The following ANKS6 variants were observed in gnomAD, a reference collection of about 807,000 sequenced individuals.
The protein encoded by ANKS6 is ankyrin repeat and sterile alpha motif domain containing 6.
A neutral mutation model predicts 77.9 loss-of-function variants in ANKS6; 47 were observed. That is an observed-to-expected ratio of 0.60 (90% CI 0.48 to 0.77). The LOEUF (loss-of-function observed/expected upper bound fraction) is 0.77. Among genes scored for constraint, ANKS6 ranks in the 30% least tolerant of loss-of-function variants. ANKS6 has a pLI of 0.00. For synonymous variants in ANKS6, 488 were observed against 501.7 expected (o/e 0.97, Z 0.37); for missense variants, 1,150 against 1,159.1 (o/e 0.99, Z 0.11).
In ANKS6 at chr9:98,768,103, C is replaced by A; in HGVS notation, c.2120G>T (p.Gly707Val). The A allele has an allele frequency of 6.2e-7, 1 of 1,611,502 alleles. No individual in the cohort carries two copies. Among genetic ancestry groups the A allele is most frequent in the Non-Finnish European group, 8.5e-7 (1 of 1,179,164 alleles). The change falls in exon 11 of 15, where the codon GGT becomes GTT. Residue 707 changes from glycine to valine, a missense_variant. Transcript: ENST00000353234. The stretch of plus-strand genomic sequence containing the variant: ...CACCTTGCCAACAGGAGCGCTGCCA[C>A]CTGCAGGGGAGGCTGGAAGCTCAGA... ...SPSELPASPA[G>V]GSAPVGKKLE...
chr9:98,777,687 C>T (rs1833993899), intron 7 of ANKS6, among the ~76,000 whole-genome samples: 1 of 152,180 alleles, frequency 6.6e-6, no homozygotes. Flanking sequence ...GTGGTGCCCC[C>T]AGCTCAATAG....
At chr9:98,749,421 T>A (rs756218962) in intron 13 of ANKS6, among the ~76,000 whole-genome samples, 60 of 152,262 alleles carry the variant, frequency 3.9e-4, no homozygotes, top group Non-Finnish European at 6.6e-4. Flanking sequence ...CCCGTGAACA[T>A]TCTCGAAGCT....
At chr9:98,781,343 A>C (rs1461554613) in intron 5 of ANKS6, among the ~76,000 whole-genome samples, 2 of 152,342 alleles carry the variant, frequency 1.3e-5, no homozygotes, top group South Asian at 2.1e-4. Context: ...ACGGCAGTGG[A>C]GGCTAGGGAG....
chr9:98,762,112 A>G (rs1833048519), intron 11 of ANKS6, among the ~76,000 whole-genome samples: 1 of 152,138 alleles, frequency 6.6e-6, no homozygotes, highest in African/African-American at 2.4e-5. Context: ...CCTAAGTATT[A>G]TATTATATTC....
chr9:98,782,604 G>A, intron 4 of ANKS6, 31 bp from the exon 5 acceptor site: 1 of 1,569,096 alleles, frequency 6.4e-7, no homozygotes, highest in Non-Finnish European at 8.8e-7. Context: ...TACATTCACT[G>A]AAAGCAAAGG....
chr9:98,789,098 G>C (rs1377466537), intron 2 of ANKS6, among the ~76,000 whole-genome samples: 1 of 143,724 alleles, frequency 7.0e-6, no homozygotes, highest in Non-Finnish European at 1.5e-5. Context: ...AGCATCTCTT[G>C]ATTGATGGGG....
intron 1 of ANKS6, among the ~76,000 whole-genome samples, chr9:98,794,675 T>C (rs1384298183): frequency 6.6e-6 from 1 of 152,166 alleles, no homozygotes; most frequent in African/African-American, 2.4e-5. Context: ...CTGAGGCATG[T>C]CAGTGCTGTA....
At chr9:98,761,803 C>A (rs1833025377) in intron 11 of ANKS6, among the ~76,000 whole-genome samples, 1 of 152,168 alleles carries the variant, frequency 6.6e-6, no homozygotes, top group Non-Finnish European at 1.5e-5. Flanking sequence ...TTTGCTAATA[C>A]CACACTGGAG....
chr9:98,766,780 C>T (rs1447258237), intron 11 of ANKS6, among the ~76,000 whole-genome samples: 1 of 152,160 alleles, frequency 6.6e-6, no homozygotes, highest in Non-Finnish European at 1.5e-5. Context: ...ATTTCTCATA[C>T]AGTACATGTA....
intron 4 of ANKS6, among the ~76,000 whole-genome samples, chr9:98,782,804 T>C (rs1295714502): frequency 6.6e-6 from 1 of 152,130 alleles, no homozygotes; most frequent in Non-Finnish European, 1.5e-5. Context: ...AGACTGAGGC[T>C]AGATGTGGTG....
At chr9:98,779,567 C>A (rs62561319) in intron 6 of ANKS6, among the ~76,000 whole-genome samples, 38 of 152,136 alleles carry the variant, frequency 2.5e-4, no homozygotes, top group Non-Finnish European at 4.1e-4. Context: ...TAATATGGAC[C>A]CACATTCCTT....
intron 8 of ANKS6, among the ~76,000 whole-genome samples, chr9:98,775,305 G>A (rs1321020664): frequency 6.6e-6 from 1 of 152,138 alleles, no homozygotes; most frequent in African/African-American, 2.4e-5. Context: ...GGCAAGTGGG[G>A]GAAACGAAGG....
At chr9:98,767,280 C>T (rs563328123) in intron 11 of ANKS6, among the ~76,000 whole-genome samples, 62 of 152,300 alleles carry the variant, frequency 4.1e-4, no homozygotes, top group African/African-American at 1.2e-3. Flanking sequence ...CCTTAGGCCA[C>T]GCTGTCACCT....
chr9:98,767,130 G>A (rs540819287), intron 11 of ANKS6, among the ~76,000 whole-genome samples: 57 of 152,298 alleles, frequency 3.7e-4, no homozygotes, highest in Non-Finnish European at 7.3e-4. Flanking sequence ...AGGCATCTAG[G>A]TTTTCTTGCT....
Position 98,735,530 on chromosome 9 carries a change from T to G in ANKS6, c.*989A>C. The G allele has an allele frequency of 8.1e-7, 1 of 1,230,030 alleles. No homozygotes were observed. The highest frequency in any genetic ancestry group is 1.0e-6 in the Non-Finnish European group (1 of 987,466). 76.2% of individuals were successfully genotyped at this position (1,230,030 alleles called of 1,614,324 possible). ...CAGCATTAATAGGATGTAGACAAAA[T>G]TCCAAATTTTCACTTCTTTGCCTAG... On this transcript the variant is annotated 3_prime_UTR_variant, in exon 15 of 15. Transcript: ENST00000353234.
rs751964616 is a variant in ANKS6, at chr9:98,745,588, C to A, written c.2482G>T (p.Ala828Ser). 8.1e-6 allele frequency: 13 copies of A among 1,614,102 alleles called. No individual in the cohort carries two copies. Among genetic ancestry groups the A allele is most frequent in the Non-Finnish European group, 1.1e-5 (13 of 1,179,958 alleles). The change falls in exon 14 of 15, where the codon GCA becomes TCA. Residue 828 changes from alanine to serine, a missense_variant. Coordinates refer to ENST00000353234, the MANE Select transcript of ANKS6 (RefSeq NM_173551.5). ...CCTGCGTTCAGTTCAGAAATCGCTG[C>A]CAGAATCTGCTGCCTGGACCCATCT... ...KTDGSRQQIL[A>S]AISELNAGKG...
Position 98,796,237 on chromosome 9 carries a change from G to A in ANKS6, c.255C>T (p.Ala85=), listed in dbSNP as rs769596131. 1.7e-5 allele frequency: 24 copies of A among 1,405,966 alleles called. No homozygotes were observed. Among genetic ancestry groups the A allele is most frequent in the Admixed American group, 5.4e-5 (2 of 37,302 alleles). The allele number at this position is 1,405,966 out of a possible 1,614,324, so 87.1% of individuals were successfully genotyped here. The change falls in exon 1 of 15, where the codon GCC becomes GCT. Residue 85 remains alanine, a synonymous_variant. Coordinates refer to ENST00000353234, the MANE Select transcript of ANKS6 (RefSeq NM_173551.5). ...CCAGCGGTTCGTGGCCCCCGGCCGC[G>A]GCGAACTGCAGTGCGGTGTTGCCCG... is the stretch of plus-strand genomic sequence containing the variant. ...DEAGNTALQF[A]AAGGHEPLVR... is the part of the protein sequence containing the mutation.
In ANKS6 at chr9:98,734,050, A is replaced by C; in HGVS notation, c.*2469T>G. On this transcript the variant is annotated 3_prime_UTR_variant, in exon 15 of 15. Coordinates refer to ENST00000353234, the MANE Select transcript of ANKS6 (RefSeq NM_173551.5). ...TGACCCCTCCTCCCTGACGATCTAT[A>C]ACCTACATGTTCCGTGCTGCCTCCA... 1.0e-6 allele frequency: 1 copy of C among 985,348 alleles called. No homozygotes were observed. Among genetic ancestry groups the C allele is most frequent in the Non-Finnish European group, 1.2e-6 (1 of 829,950 alleles). 61.0% of individuals were successfully genotyped at this position (985,348 alleles called of 1,614,324 possible). A position where few individuals can be genotyped will look rare whatever the true frequency, so the allele number is the denominator to read the frequency against.
In ANKS6 at chr9:98,756,528, A is replaced by G; in HGVS notation, c.2218T>C (p.Ser740Pro). Residue 740 changes from serine to proline, a missense_variant, in exon 12 of 15, where the codon TCC becomes CCC. By Grantham distance (74) the Ser-to-Pro change is moderately conservative (BLOSUM62 -1). Coordinates refer to ENST00000353234, the MANE Select transcript of ANKS6 (RefSeq NM_173551.5). ...GCAGTGTGCCCTTTGGGTGAGGGGG[A>G]GGGCGTGAGGGTTGGAGAGGTGCTC... The part of the protein sequence containing the change: ...SKSTSPTLTP[S>P]PSPKGHTAES... 1 of 1,601,462 alleles carries G rather than the reference A, an allele frequency of 6.2e-7. No homozygotes were observed. The highest frequency in any genetic ancestry group is 1.3e-5 in the African/African-American group (1 of 74,158).
Sources: gnomAD v4.1 joint callset for allele counts (sites outside exome capture counted in the v4.1 genomes callset) on GRCh38, gnomAD v4.1.1 for gene constraint, MANE v1.5 for transcripts, NCBI Gene and HGNC (gene_info 2026-07-23, HGNC 2026-07-21) for gene names.